Variants in PCDHA4 observed in about 807,000 individuals in gnomAD.
PCDHA4 encodes protocadherin alpha-4.
A neutral mutation model predicts 61.4 loss-of-function variants in PCDHA4; 49 were observed. The ratio of observed to expected loss-of-function variants is 0.80; its 90% CI spans 0.63 to 1.01. PCDHA4 has a LOEUF of 1.01. PCDHA4 is among the 50% of genes least tolerant of loss of function. PCDHA4 has a pLI of 0.00. For missense variants in PCDHA4, 1,254 were observed against 1,235.8 expected, an observed-to-expected ratio of 1.01 and a Z score of -0.22; for synonymous variants, 590 against 550.3, an observed-to-expected ratio of 1.07 and a Z score of -1.01.
rs2098422568 is a variant in PCDHA4 at position 141,011,988 on chromosome 5, C to A, written c.*2051C>A. ...AAACTGTCTTGTCTACTTTTAGCTTCATTCTCCCATATTTTGAAGGGTGTG... is the reference window on the plus strand; with the variant it reads ...AAACTGTCTTGTCTACTTTTAGCTTAATTCTCCCATATTTTGAAGGGTGTG... On this transcript the variant is annotated 3_prime_UTR_variant, in exon 4 of 4. Coordinates refer to ENST00000530339, the MANE Select transcript of PCDHA4 (RefSeq NM_018907.4). 6.5e-6 allele frequency: 1 copy of A among 153,688 alleles called. No individual in the cohort carries two copies. The highest frequency in any genetic ancestry group is 2.4e-5 in the African/African-American group (1 of 41,434). 9.5% of individuals were successfully genotyped at this position (153,688 alleles called of 1,614,324 possible). A position where few individuals can be genotyped will look rare whatever the true frequency, so the allele number is the denominator to read the frequency against.
intron 3 of PCDHA4, among the ~76,000 whole-genome samples, chr5:140,995,275 A>G (rs1383239362): frequency 6.6e-6 from 1 of 152,146 alleles, no homozygotes; most frequent in African/African-American, 2.4e-5. Context: ...GCCCTTTGAT[A>G]CCAAAACAGC....
intron 1 of PCDHA4, among the ~76,000 whole-genome samples, chr5:140,840,242 T>G (rs113669357): frequency 0.011 from 1,735 of 152,166 alleles, 51 homozygotes; most frequent in African/African-American, 0.04. Context: ...AGAATCACTA[T>G]GCTATAAAAA....
At chr5:140,985,739 CTTTTTTTTTT>C (rs11372071) in intron 3 of PCDHA4, among the ~76,000 whole-genome samples, 1 of 117,922 alleles carries the variant, frequency 8.5e-6, no homozygotes, top group African/African-American at 3.2e-5. Context: ...TGATGAATTC[CTTTTTTTTTT>C]TTTTTTTTTT....
chr5:140,825,720 C>G (rs1554130338), intron 1 of PCDHA4: 1 of 152,170 alleles, frequency 6.6e-6, no homozygotes, highest in Non-Finnish European at 1.5e-5. Context: ...TCGCGCCTGG[C>G]CTAAATTATT....
intron 1 of PCDHA4, chr5:140,834,417 C>T: frequency 6.2e-7 from 1 of 1,611,544 alleles, no homozygotes; most frequent in Non-Finnish European, 8.5e-7. Flanking sequence ...CCCAGGGGGC[C>T]GACATCTACT....
intron 1 of PCDHA4, among the ~76,000 whole-genome samples, chr5:140,978,590 A>G (rs192815977): frequency 2.0e-4 from 31 of 152,334 alleles, no homozygotes; most frequent in African/African-American, 7.5e-4. Context: ...TGTTCCCTTA[A>G]TGGGGCACTT....
chr5:140,874,040 T>G (rs1303509988), intron 1 of PCDHA4, among the ~76,000 whole-genome samples: 7 of 152,220 alleles, frequency 4.6e-5, no homozygotes, highest in Admixed American at 4.6e-4. Flanking sequence ...AGAAACTTGG[T>G]GATGATATTA....
At chr5:140,877,992 A>G (rs572306139) in intron 1 of PCDHA4, 7 of 1,096,526 alleles carry the variant, frequency 6.4e-6, no homozygotes, top group Non-Finnish European at 8.6e-6. Flanking sequence ...TTGAACTTTT[A>G]TGTATTTGTC....
chr5:140,835,972 T>G (rs2150249264), intron 1 of PCDHA4: 2 of 1,613,340 alleles, frequency 1.2e-6, no homozygotes, highest in South Asian at 2.2e-5. Context: ...GAGCTGGAGC[T>G]GTTGCAGTTC....
intron 1 of PCDHA4, among the ~76,000 whole-genome samples, chr5:140,962,132 C>A (rs1018234897): frequency 3.3e-5 from 5 of 152,104 alleles, no homozygotes; most frequent in Admixed American, 3.3e-4. Flanking sequence ...GCCTCGGCCT[C>A]CCAAAGTGCT....
chr5:140,867,991 T>G (rs1379820729), intron 1 of PCDHA4: 8 of 152,164 alleles, frequency 5.3e-5, no homozygotes, highest in Non-Finnish European at 8.8e-5. Flanking sequence ...ACTATTTTCA[T>G]GAATATAACT....
intron 1 of PCDHA4, among the ~76,000 whole-genome samples, chr5:140,949,848 C>T (rs534650997): frequency 2.2e-4 from 34 of 151,738 alleles, no homozygotes; most frequent in African/African-American, 6.0e-4. Flanking sequence ...CTTCTGTTTC[C>T]GCTTATCTGT....
rs781931129 is a variant in PCDHA4, at chr5:140,807,692, A to G, written c.505A>G (p.Thr169Ala). The G allele has an allele frequency of 1.9e-6, 3 of 1,614,098 alleles. No individual in the cohort carries two copies. Among genetic ancestry groups the G allele is most frequent in the African/African-American group, 1.3e-5 (1 of 74,944 alleles). Residue 169 changes from threonine to alanine, a missense_variant, in exon 1 of 4, where the codon ACT becomes GCT. Transcript: ENST00000530339. Reference sequence around the variant, plus strand: ...AGATATCGGGGAGAACGCCCTGCTCACTTACAGACTGAGCCCAAATGAATA... The same window carrying G: ...AGATATCGGGGAGAACGCCCTGCTCGCTTACAGACTGAGCCCAAATGAATA... Reference protein sequence around the residue: ...DADIGENALLTYRLSPNEYFS... With the variant: ...DADIGENALLAYRLSPNEYFS...
intron 1 of PCDHA4, chr5:140,836,539 C>G (rs2150263250): frequency 6.2e-7 from 1 of 1,613,680 alleles, no homozygotes; most frequent in East Asian, 2.2e-5. Flanking sequence ...CTGCTGTACA[C>G]GGCGTTGCGG....
chr5:140,855,626 T>C (rs1554147868), intron 1 of PCDHA4, among the ~76,000 whole-genome samples: 1 of 149,872 alleles, frequency 6.7e-6, no homozygotes, highest in Non-Finnish European at 1.5e-5. Context: ...CATTTTGAAA[T>C]TCGGCTATTG....
Position 140,882,692 on chromosome 5 carries a change from AT to A in PCDHA4, c.2385+73122del, listed in dbSNP as rs782355155. On this transcript the variant is annotated intron_variant, in intron 1 of 3. Coordinates refer to ENST00000530339, the MANE Select transcript of PCDHA4 (RefSeq NM_018907.4). The stretch of plus-strand genomic sequence containing the variant: ...CCCTGAAAGCAAGAAACGAATAATC[AT>A]TGCAGAATCTAGACCTCCGGAAACT... The A allele has an allele frequency of 2.1e-5, 34 of 1,614,204 alleles. No individual in the cohort carries two copies. In the South Asian group the frequency reaches 3.5e-4, roughly 17 times the overall value.
chr5:140,983,629 T>C (rs2097059537), intron 3 of PCDHA4, among the ~76,000 whole-genome samples: 1 of 152,228 alleles, frequency 6.6e-6, no homozygotes, highest in African/African-American at 2.4e-5. Flanking sequence ...TTAAGAAATG[T>C]ACCCAAGTTC....
At chr5:140,930,245 C>T (rs1355884137) in intron 1 of PCDHA4, 2 of 152,164 alleles carry the variant, frequency 1.3e-5, no homozygotes, top group African/African-American at 4.8e-5. Flanking sequence ...AAAGTCCATT[C>T]AACTTGGATT....
intron 1 of PCDHA4, chr5:140,926,863 G>A: frequency 1.3e-6 from 2 of 1,523,054 alleles, no homozygotes; most frequent in Non-Finnish European, 8.8e-7. Flanking sequence ...GGTGTAGCGT[G>A]TTGGTGGAAC....
Sources: allele counts gnomAD v4.1 joint callset (sites outside exome capture counted in the v4.1 genomes callset), GRCh38; gene constraint gnomAD v4.1.1; transcripts MANE v1.5; gene names NCBI Gene and HGNC (gene_info 2026-07-23, HGNC 2026-07-21).